FCN1: variants seen among roughly 807,000 people sequenced by gnomAD.
FCN1 encodes the protein ficolin 1.
In FCN1, 42 loss-of-function variants were observed where a neutral mutation model predicts 35.6. That is an observed-to-expected ratio of 1.18 (90% CI 0.92 to 1.53). The LOEUF is 1.53. FCN1 is among the 40% of genes most tolerant of loss of function. FCN1 has a pLI of 0.00. For synonymous variants in FCN1, 179 were observed against 169.8 expected, an observed-to-expected ratio of 1.05 and a Z score of -0.42; for missense variants, 439 against 428.4, an observed-to-expected ratio of 1.02 and a Z score of -0.22.
chr9:134,909,639 T>G lies in FCN1; in HGVS notation c.*159A>C, dbSNP rs946845083. 3 of 1,586,822 alleles carry G rather than the reference T, an allele frequency of 1.9e-6. No homozygotes were observed. The highest frequency in any genetic ancestry group is 2.6e-6 in the Non-Finnish European group (3 of 1,172,942). ...AAACATAATTCTCCCTCTGGTGAGG[T>G]TGTGGGCATGTGGCGGCTTGACTGA... is the stretch of plus-strand genomic sequence containing the variant. On this transcript the variant is annotated 3_prime_UTR_variant, in exon 9 of 9. Coordinates refer to ENST00000371806, the MANE Select transcript of FCN1 (RefSeq NM_002003.5).
chr9:134,917,766 C>A lies in FCN1; in HGVS notation c.103+3G>T, dbSNP rs139385211. The A allele has an allele frequency of 6.2e-7, 1 of 1,604,994 alleles. No homozygotes were observed. The highest frequency in any genetic ancestry group is 1.3e-5 in the African/African-American group (1 of 74,862). On this transcript the variant is annotated splice_donor_region_variant and intron_variant, in intron 1 of 8. Coordinates refer to ENST00000371806, the MANE Select transcript of FCN1 (RefSeq NM_002003.5). ...GGGACCAGAAAACCCAGGTCTGTCT[C>A]ACCTGGACATGTGTCCGCAGCCTGG... is the stretch of plus-strand genomic sequence containing the variant.
intron 4 of FCN1, 47 bp downstream of exon 4, chr9:134,914,338 T>G (rs1831064496): frequency 1.3e-6 from 2 of 1,587,988 alleles, no homozygotes; most frequent in Non-Finnish European, 1.7e-6. Flanking sequence ...ACCCCTCCCC[T>G]GGACAAAGCC....
chr9:134,912,393 G>A (rs1006815855), intron 7 of FCN1, 93 bp downstream of exon 7: 23 of 1,334,618 alleles, frequency 1.7e-5, no homozygotes, highest in Middle Eastern at 2.0e-4. Flanking sequence ...ATCCCCTGTG[G>A]GCCAAGAGGT....
rs1291236538 is a variant in FCN1, at chr9:134,903,625, C to T, written c.*6173G>A. Among the ~76,000 whole-genome samples the T allele has an allele frequency of 6.6e-6, 1 of 152,148 alleles. No homozygotes were observed. The highest frequency in any genetic ancestry group is 1.5e-5 in the Non-Finnish European group (1 of 68,016). On this transcript the variant is annotated 3_prime_UTR_variant, in exon 9 of 9. Coordinates refer to ENST00000371806, the MANE Select transcript of FCN1 (RefSeq NM_002003.5). ...AATCTGACTTAAAAAAAAATCCTCT[C>T]TGCCTTCCTGAATACTATGTCTAGC...
At position 134,909,429 on chromosome 9, in the gene FCN1, C is replaced by G. The variant is rs1368883844; in HGVS notation, c.*369G>C. On this transcript the variant is annotated 3_prime_UTR_variant, in exon 9 of 9. Transcript: ENST00000371806. ...AGGTGGAAAATCCTCGCAAAAGTCA[C>G]TCAACCTCCCTGAACATCGGTAGTG... The G allele has an allele frequency of 3.1e-6, 4 of 1,291,242 alleles. No homozygotes were observed. In the South Asian group the frequency reaches 4.9e-5, roughly 16 times the overall value. 80.0% of individuals were successfully genotyped at this position (1,291,242 alleles called of 1,614,324 possible).
In FCN1 at chr9:134,905,876, T is replaced by TTCTTCC. The variant is rs1564215370; in HGVS notation, c.*3921_*3922insGGAAGA. The TTCTTCC allele has an allele frequency of 1.9e-5, 1 of 53,650 alleles. No homozygotes were observed. Among genetic ancestry groups the TTCTTCC allele is most frequent in the Non-Finnish European group, 3.3e-5 (1 of 30,648 alleles). 3.3% of individuals were successfully genotyped at this position (53,650 alleles called of 1,614,324 possible). ...CCTCTTCCTCTTCCTCTTCTTCTTC[T>TTCTTCC]TCTTCTTCTTCTTCTTCTTCTTCTT... On this transcript the variant is annotated 3_prime_UTR_variant, in exon 9 of 9. Transcript: ENST00000371806.
Position 134,912,540 on chromosome 9 carries a change from G to A in FCN1, c.544C>T (p.Gln182Ter), listed in dbSNP as rs1831036834. Residue 182 changes from glutamine (Q) to a stop codon, truncating the protein, a stop_gained, in exon 7 of 9, where the codon CAG (glutamine) becomes TAG (stop). Coordinates refer to ENST00000371806, the MANE Select transcript of FCN1 (RefSeq NM_002003.5). LOFTEE classifies it high-confidence loss of function. Reference protein sequence around the residue: ...WAAYKQGFGSQLGEFWLGNDN... With the variant: ...WAAYKQGFGS The stretch of plus-strand genomic sequence containing the variant: ...TTCCCCAGCCAGAACTCCCCCAGCT[G>A]ACTGCCGAAGCCCTGCTTGTATGCG... 6.2e-7 allele frequency: 1 copy of A among 1,614,048 alleles called. No homozygotes were observed.
chr9:134,914,501 C>T, intron 3 of FCN1, 81 bp from the exon 4 acceptor site: 1 of 1,315,804 alleles, frequency 7.6e-7, no homozygotes, highest in Non-Finnish European at 1.1e-6. Context: ...GGGCTCCCGG[C>T]CTGGACACTG....
Position 134,908,919 on chromosome 9 carries a change from T to C in FCN1, c.*879A>G. 3.8e-6 allele frequency: 1 copy of C among 260,070 alleles called. No individual in the cohort carries two copies. Among genetic ancestry groups the C allele is most frequent in the Non-Finnish European group, 7.6e-6 (1 of 131,570 alleles). 16.1% of individuals were successfully genotyped at this position (260,070 alleles called of 1,614,324 possible). A position where few individuals can be genotyped will look rare whatever the true frequency, so the allele number is the denominator to read the frequency against. ...CCCCTCTGGCCTTCCTTTGGTTCCC[T>C]TAGTGTCCTTCGGTAAGTGGGAGCT... On this transcript the variant is annotated 3_prime_UTR_variant, in exon 9 of 9. Transcript: ENST00000371806.
At chr9:134,914,087 TA>T (rs1165500448) in intron 4 of FCN1, among the ~76,000 whole-genome samples, 3 of 152,358 alleles carry the variant, frequency 2.0e-5, no homozygotes, top group African/African-American at 7.2e-5. Context: ...TTGGCTTTTT[TA>T]AACTTTTACA....
chr9:134,905,635 C>G lies in FCN1; in HGVS notation c.*4163G>C, dbSNP rs551245665. Among the ~76,000 whole-genome samples the G allele has an allele frequency of 1.3e-5, 2 of 151,962 alleles. No homozygotes were observed. Among genetic ancestry groups the G allele is most frequent in the African/African-American group, 4.8e-5 (2 of 41,362 alleles). On this transcript the variant is annotated 3_prime_UTR_variant, in exon 9 of 9. Coordinates refer to ENST00000371806, the MANE Select transcript of FCN1 (RefSeq NM_002003.5). ...AGTAGCTGGGACGATAGGCATCCCC[C>G]ACCATGAACGGCTAATTTTTTTGTA...
rs144127766 is a variant in FCN1 at position 134,913,609 on chromosome 9, G to A, written c.312C>T (p.Asp104=). 3.2e-5 allele frequency: 52 copies of A among 1,606,380 alleles called. 1 individual carries two copies. Among genetic ancestry groups the A allele is most frequent in the Admixed American group, 2.9e-4 (17 of 59,108 alleles). Residue 104 remains aspartate, a synonymous_variant, in exon 5 of 9, where the codon GAC becomes GAT. Coordinates refer to ENST00000371806, the MANE Select transcript of FCN1 (RefSeq NM_002003.5). ...TCGCACACGACTGAGACTGCCCAGC[G>A]TCTCCTGTGTGGGGAGAGGAGACAC... The part of the protein sequence containing the change: ...GEKGMRGEKG[D]AGQSQSCATG...
chr9:134,913,477 T>C (rs1306674463), intron 5 of FCN1, 104 bp downstream of exon 5: 1 of 881,942 alleles, frequency 1.1e-6, no homozygotes, highest in Admixed American at 2.5e-5. Context: ...GGATGATAGG[T>C]GCAGACAGGG....
At chr9:134,913,212 G>T in intron 5 of FCN1, 69 bp from the exon 6 acceptor site, 3 of 1,591,046 alleles carry the variant, frequency 1.9e-6, no homozygotes, top group South Asian at 1.1e-5. Flanking sequence ...GTGGGAGGGA[G>T]GCCCAGGAGG....
chr9:134,916,065 A>G (rs899314619), intron 2 of FCN1, among the ~76,000 whole-genome samples: 1 of 152,208 alleles, frequency 6.6e-6, no homozygotes, highest in Non-Finnish European at 1.5e-5. Flanking sequence ...AAGTCGTGCC[A>G]GTAGCTGAGC....
chr9:134,905,901 T>TTCTCCTTCTC lies in FCN1; in HGVS notation c.*3896_*3897insGAGAAGGAGA, dbSNP rs1564215472. ...TTCTTCTTCTTCTTCTTCTTCTTCT[T>TTCTCCTTCTC]CTTCTTCTTCTTCTTCTTCTTCTCC... is the stretch of plus-strand genomic sequence containing the variant. On this transcript the variant is annotated 3_prime_UTR_variant, in exon 9 of 9. Transcript: ENST00000371806. 1 of 85,486 alleles carries TTCTCCTTCTC rather than the reference T, an allele frequency of 1.2e-5. No individual in the cohort carries two copies. The highest frequency in any genetic ancestry group is 2.1e-5 in the Non-Finnish European group (1 of 47,392). 5.3% of individuals were successfully genotyped at this position (85,486 alleles called of 1,614,324 possible). A position where few individuals can be genotyped will look rare whatever the true frequency, so the allele number is the denominator to read the frequency against.
Position 134,912,461 on chromosome 9 carries a change from C to T in FCN1, c.598+25G>A, listed in dbSNP as rs996849589. 3 of 1,608,862 alleles carry T rather than the reference C, an allele frequency of 1.9e-6. No homozygotes were observed. In the African/African-American group the frequency reaches 4.0e-5, roughly 21 times the overall value. ...CAGGAGCACCTCAGGGCCCCCCAAC[C>T]CCTGAGCCACGGCAGTGGCCCTACC... On this transcript the variant is annotated intron_variant, in intron 7 of 8. Coordinates refer to ENST00000371806, the MANE Select transcript of FCN1 (RefSeq NM_002003.5).
chr9:134,909,970 C>G lies in FCN1; in HGVS notation c.809G>C (p.Cys270Ser). ...CCAGGCTCCTTGGAACTTCTCAGCA[C>G]AATTCGAAGAACTCACATCATTGTC... The part of the protein sequence containing the change: ...DQDNDVSSSN[C>S]AEKFQGAWWY... Residue 270 changes from cysteine (C) to serine (S), a missense_variant, in exon 9 of 9, where the codon TGT becomes TCT. By Grantham distance (112) the Cys-to-Ser change is moderately radical. Transcript: ENST00000371806. 1 of 1,614,134 alleles carries G rather than the reference C, an allele frequency of 6.2e-7. No homozygotes were observed. The highest frequency in any genetic ancestry group is 2.2e-5 in the East Asian group (1 of 44,870).
intron 5 of FCN1, 152 bp from the exon 6 acceptor site, chr9:134,913,295 G>A (rs920779000): frequency 6.2e-5 from 70 of 1,129,120 alleles, no homozygotes; most frequent in Admixed American, 2.9e-4. Flanking sequence ...CGGCCCCCAG[G>A]GCCACGCAGC....
Sources: gnomAD v4.1 joint callset for allele counts (sites outside exome capture counted in the v4.1 genomes callset) on GRCh38, gnomAD v4.1.1 for gene constraint, MANE v1.5 for transcripts, NCBI Gene and HGNC (gene_info 2026-07-23, HGNC 2026-07-21) for gene names.